Variants in FAM120B observed in about 807,000 individuals in gnomAD.
FAM120B encodes constitutive coactivator of peroxisome proliferator-activated receptor gamma.
FAM120B carries 83 observed loss-of-function variants against 96.3 expected under a neutral mutation model. The observed-to-expected ratio is 0.86, with a 90% confidence interval of 0.72 to 1.03. The LOEUF is 1.03. Among genes scored for constraint, FAM120B ranks in the 50% least tolerant of loss-of-function variants. FAM120B has a pLI of 0.00. For missense variants in FAM120B, 1,027 were observed against 1,121.2 expected, an observed-to-expected ratio of 0.92 and a Z score of 1.20; for synonymous variants, 407 against 402.7, an observed-to-expected ratio of 1.01 and a Z score of -0.13.
Position 170,295,532 on chromosome 6 carries a change from C to T in FAM120B, c.48+79C>T, listed in dbSNP as rs1783977878. ...CCACAGCGGGCAGGAGCGCGACCCC[C>T]GGCGCGGGCAGCTCTGCGCGAAGGT... On this transcript the variant is annotated intron_variant, in intron 1 of 10. Transcript: ENST00000537664. This position sits in a 1 kb window ranked among gnomAD's most constrained non-coding sequence, Gnocchi z 7.8. 3.1e-6 allele frequency: 2 copies of T among 638,094 alleles called. No individual in the cohort carries two copies. Among genetic ancestry groups the T allele is most frequent in the Admixed American group, 2.5e-5 (1 of 39,886 alleles). The allele number at this position is 638,094 out of a possible 1,614,324, so 39.5% of individuals were successfully genotyped here.
intron 4 of FAM120B, among the ~76,000 whole-genome samples, chr6:170,336,747 C>T (rs556987099): frequency 1.4e-3 from 211 of 152,184 alleles, no homozygotes; most frequent in African/African-American, 4.8e-3. Context: ...AGGTCCTTCA[C>T]GTCATTTGTA....
chr6:170,292,759 C>T (rs1378043093), upstream of FAM120B, among the ~76,000 whole-genome samples: 1 of 152,244 alleles, frequency 6.6e-6, no homozygotes, highest in Non-Finnish European at 1.5e-5. The surrounding 1 kb of genome is among the most constrained non-coding windows in gnomAD (Gnocchi z 6.6). Flanking sequence ...CTTCAAGTGA[C>T]CCAGCCTGTG....
At chr6:170,329,366 T>A (rs1156880014) in intron 3 of FAM120B, among the ~76,000 whole-genome samples, 2 of 152,216 alleles carry the variant, frequency 1.3e-5, no homozygotes, top group African/African-American at 2.4e-5. Flanking sequence ...GCACTGCCCA[T>A]TGTCCGTCAC....
rs923686898 is a variant in FAM120B at position 170,370,476 on chromosome 6, G to A, written c.2283+12158G>A. ...CCCTGGCTTCCTCTCGCCTTTCCTG[G>A]TTCCAGGAGCTGCTGTCCAGTCGTG... is the stretch of plus-strand genomic sequence containing the variant. On this transcript the variant is annotated intron_variant, in intron 6 of 10. Transcript: ENST00000476287. The surrounding 1 kb of genome is among the most constrained non-coding windows in gnomAD (Gnocchi z 4.3). Among the ~76,000 whole-genome samples the A allele has an allele frequency of 4.6e-5, 7 of 152,224 alleles. No homozygotes were observed. In the East Asian group the frequency reaches 1.2e-3, roughly 25 times the overall value.
intron 1 of FAM120B, among the ~76,000 whole-genome samples, chr6:170,299,543 T>G (rs1462115951): frequency 3.3e-5 from 5 of 152,242 alleles, no homozygotes; most frequent in Non-Finnish European, 5.9e-5. Flanking sequence ...TCACCTCATT[T>G]GTTTTCCTCC....
chr6:170,368,821 G>T (rs774216004), intron 6 of FAM120B, among the ~76,000 whole-genome samples: 1 of 20,302 alleles, frequency 4.9e-5, no homozygotes, highest in African/African-American at 9.9e-5. Context: ...TGCCGGGGCT[G>T]GGGGGGGGGC....
intron 1 of FAM120B, among the ~76,000 whole-genome samples, chr6:170,308,140 C>CTT (rs1784391848): frequency 6.6e-6 from 1 of 152,212 alleles, no homozygotes; most frequent in African/African-American, 2.4e-5. Context: ...AGCCTTCACA[C>CTT]TCTGTGTTCT....
intron 2 of FAM120B, among the ~76,000 whole-genome samples, chr6:170,320,663 A>T (rs1173744539): frequency 6.6e-6 from 1 of 152,160 alleles, no homozygotes; most frequent in Non-Finnish European, 1.5e-5. Flanking sequence ...CCTCTAACAC[A>T]TGTTCTCGTA....
In FAM120B at chr6:170,360,882, C is replaced by T. The variant is rs191286952; in HGVS notation, c.2283+2564C>T. ...CACCACTCAGCAGCCCTGCTGGCTC[C>T]CTCCTGTGAAAGGTGGAGATGTGGT... On this transcript the variant is annotated intron_variant, in intron 6 of 10. Transcript: ENST00000476287. Among the ~76,000 whole-genome samples the T allele has an allele frequency of 1.1e-3, 174 of 152,200 alleles. 2 individuals carry two copies. In the East Asian group the frequency reaches 0.024, roughly 21 times the overall value.
chr6:170,332,166 A>T (rs1786097182), intron 4 of FAM120B, among the ~76,000 whole-genome samples: 1 of 152,182 alleles, frequency 6.6e-6, no homozygotes, highest in African/African-American at 2.4e-5. Flanking sequence ...CACAGCTGTT[A>T]CTCTAGAAAT....
At chr6:170,393,761 C>G (rs900458077) in intron 8 of FAM120B, among the ~76,000 whole-genome samples, 1 of 152,254 alleles carries the variant, frequency 6.6e-6, no homozygotes, top group Non-Finnish European at 1.5e-5. Flanking sequence ...ACTGAAGCCT[C>G]CACCGCTTGG....
intron 6 of FAM120B, among the ~76,000 whole-genome samples, chr6:170,368,030 A>G (rs553345176): frequency 1.3e-5 from 2 of 152,320 alleles, no homozygotes; most frequent in Admixed American, 6.5e-5. Flanking sequence ...AGTTGACATA[A>G]TAATTGTGCA....
At chr6:170,345,661 G>C (rs537720559) in intron 4 of FAM120B, among the ~76,000 whole-genome samples, 1 of 152,292 alleles carries the variant, frequency 6.6e-6, no homozygotes, top group African/African-American at 2.4e-5. Context: ...GAAAAATGTT[G>C]GTAAACAATT....
chr6:170,339,168 T>A (rs933057767), intron 4 of FAM120B, among the ~76,000 whole-genome samples: 3 of 152,180 alleles, frequency 2.0e-5, no homozygotes, highest in African/African-American at 7.2e-5. Context: ...CTTTCCTTAT[T>A]TAGTGCTTCC....
intron 6 of FAM120B, among the ~76,000 whole-genome samples, chr6:170,364,551 C>T (rs376940175): frequency 7.9e-5 from 12 of 152,344 alleles, no homozygotes; most frequent in East Asian, 3.9e-4. Context: ...TAAAAGTATA[C>T]ATGAGCATTT....
chr6:170,325,623 C>T (rs965570634), intron 3 of FAM120B, among the ~76,000 whole-genome samples: 1 of 151,774 alleles, frequency 6.6e-6, no homozygotes, highest in Middle Eastern at 3.4e-3. Context: ...GGCGGATCAC[C>T]TGAGGTCAGG....
intron 2 of FAM120B, 95 bp downstream of exon 2, chr6:170,319,219 A>G: frequency 8.0e-7 from 1 of 1,251,374 alleles, no homozygotes; most frequent in East Asian, 2.4e-5. Context: ...GTGTTTGGCC[A>G]CTGAGAGGAT....
At chr6:170,388,184 G>A (rs991030602) in intron 6 of FAM120B, 103 bp from the exon 7 acceptor site, 3 of 929,844 alleles carry the variant, frequency 3.2e-6, no homozygotes, top group African/African-American at 3.3e-5. Flanking sequence ...CAGTTACTGA[G>A]TGAGCATCCG....
chr6:170,331,839 G>A (rs1163234018), intron 4 of FAM120B, among the ~76,000 whole-genome samples: 1 of 152,216 alleles, frequency 6.6e-6, no homozygotes, highest in African/African-American at 2.4e-5. Context: ...CCTAGAGTGG[G>A]AAAGCGTGTG....
Sources: gnomAD v4.1 joint callset for allele counts (sites outside exome capture counted in the v4.1 genomes callset) on GRCh38, gnomAD v4.1.1 for gene constraint, Gnocchi (gnomAD v3.1) non-coding constraint, MANE v1.5 for transcripts, NCBI Gene and HGNC (gene_info 2026-07-23, HGNC 2026-07-21) for gene names.